The following FSTL4 variants were observed in gnomAD, a reference collection of about 807,000 sequenced individuals.
FSTL4 encodes the protein follistatin like 4, also known as follistatin-related protein 4.
Under a neutral mutation model 78.2 loss-of-function variants are expected in FSTL4, and 28 were observed. The ratio of observed to expected loss-of-function variants is 0.36; its 90% CI spans 0.27 to 0.49. FSTL4 has a LOEUF of 0.49. Among genes scored for constraint, FSTL4 ranks in the 20% least tolerant of loss-of-function variants. The pLI is 0.98. For synonymous variants in FSTL4, 422 were observed against 440.5 expected (o/e 0.96, Z 0.53); for missense variants, 922 against 1,084.9 (o/e 0.85, Z 2.11).
rs991787608 is a variant in FSTL4 at position 133,316,319 on chromosome 5, T to G, written c.603+140A>C. On this transcript the variant is annotated intron_variant, in intron 5 of 15. Transcript: ENST00000265342. ...GTAAATAGAGGCTAAAGGTGGCTGG[T>G]GGGAAGAACCTGACCTCATTTTGTT... 3.0e-5 allele frequency: 19 copies of G among 625,870 alleles called. No individual in the cohort carries two copies. The African/African-American group carries it at 3.3e-4, about 11-fold the overall frequency. The allele number at this position is 625,870 out of a possible 1,614,324, so 38.8% of individuals were successfully genotyped here. A position where few individuals can be genotyped will look rare whatever the true frequency, so the allele number is the denominator to read the frequency against.
intron 6 of FSTL4, among the ~76,000 whole-genome samples, chr5:133,299,069 T>G (rs552399020): frequency 6.6e-6 from 1 of 152,332 alleles, no homozygotes; most frequent in South Asian, 2.1e-4. Flanking sequence ...CAGTCTAGTC[T>G]AACACAGACT....
chr5:133,337,874 G>A lies in FSTL4; in HGVS notation c.410-21222C>T, dbSNP rs116466977. On this transcript the variant is annotated intron_variant, in intron 4 of 15. Transcript: ENST00000265342. Reference sequence around the variant, plus strand: ...GTGGAGTTGATTTGACTTTTAAGGCGCTAGGTAGTGAGCATTTTGGAGGAT... The same window carrying A: ...GTGGAGTTGATTTGACTTTTAAGGCACTAGGTAGTGAGCATTTTGGAGGAT... Among the ~76,000 whole-genome samples, 604 of 152,292 alleles carry A rather than the reference G, an allele frequency of 4.0e-3. 6 individuals carry two copies. The highest frequency in any genetic ancestry group is 0.014 in the African/African-American group (571 of 41,522).
At chr5:133,567,677 C>A (rs1194313483) in intron 2 of FSTL4, among the ~76,000 whole-genome samples, 4 of 152,256 alleles carry the variant, frequency 2.6e-5, no homozygotes, top group Non-Finnish European at 5.9e-5. Context: ...GGATATGTCA[C>A]TGACATCACC....
chr5:133,326,461 C>G (rs1754215154), intron 4 of FSTL4, among the ~76,000 whole-genome samples: 1 of 152,216 alleles, frequency 6.6e-6, no homozygotes, highest in African/African-American at 2.4e-5. Context: ...GAGTGGGTCA[C>G]TATCCCCTTC....
intron 3 of FSTL4, among the ~76,000 whole-genome samples, chr5:133,564,845 T>C (rs1045112936): frequency 1.3e-5 from 2 of 152,184 alleles, no homozygotes; most frequent in African/African-American, 4.8e-5. Context: ...CTGTCGCTAG[T>C]TCCCACTATG....
the FSTL4 span, among the ~76,000 whole-genome samples, chr5:133,838,821 C>A: frequency 1.3e-5 from 2 of 152,192 alleles, no homozygotes; most frequent in African/African-American, 4.8e-5. Context: ...TTACAAAGGC[C>A]TATCTGTGTT....
chr5:133,422,942 C>T (rs796131280), intron 3 of FSTL4, among the ~76,000 whole-genome samples: 179 of 152,328 alleles, frequency 1.2e-3, no homozygotes, highest in Non-Finnish European at 8.4e-4. Context: ...CACCCAAGCC[C>T]CTCTGGGCTG....
At chr5:133,823,136 T>C in the FSTL4 span, among the ~76,000 whole-genome samples, 1 of 152,184 alleles carries the variant, frequency 6.6e-6, no homozygotes, top group Non-Finnish European at 1.5e-5. Flanking sequence ...CAAGAACTTC[T>C]GGATGGGCAA....
In FSTL4 at chr5:133,326,471, C is replaced by G. The variant is rs953566275; in HGVS notation, c.410-9819G>C. Among the ~76,000 whole-genome samples the G allele has an allele frequency of 2.6e-5, 4 of 152,352 alleles. No individual in the cohort carries two copies. The East Asian group carries it at 5.8e-4, about 22-fold the overall frequency. ...TAAGTGAGTGGGTCACTATCCCCTT[C>G]TCTCAGCACCCTGTGGCGGTGTTTA... is the stretch of plus-strand genomic sequence containing the variant. On this transcript the variant is annotated intron_variant, in intron 4 of 15. Coordinates refer to ENST00000265342, the MANE Select transcript of FSTL4 (RefSeq NM_015082.2).
chr5:133,259,672 A>G (rs1284459361), intron 6 of FSTL4, among the ~76,000 whole-genome samples: 1 of 152,038 alleles, frequency 6.6e-6, no homozygotes, highest in Non-Finnish European at 1.5e-5. Flanking sequence ...TGTGCAAATA[A>G]CGGACTGGTG....
chr5:133,615,284 G>T (rs184032391), upstream of FSTL4, among the ~76,000 whole-genome samples: 20 of 152,344 alleles, frequency 1.3e-4, no homozygotes, highest in East Asian at 3.5e-3. Context: ...TCCTTGTCTT[G>T]CATAATTTAA....
the FSTL4 span, among the ~76,000 whole-genome samples, chr5:133,653,944 C>T: frequency 6.6e-6 from 1 of 152,228 alleles, no homozygotes; most frequent in Non-Finnish European, 1.5e-5. Flanking sequence ...TTTCTTTATT[C>T]CTTCATTCCT....
chr5:133,553,720 C>T (rs1488689856), intron 3 of FSTL4, among the ~76,000 whole-genome samples: 1 of 152,154 alleles, frequency 6.6e-6, no homozygotes, highest in African/African-American at 2.4e-5. Context: ...TCTCCGATCC[C>T]CTAAGGCAGG....
At chr5:133,598,371 C>G (rs1580813034) in intron 2 of FSTL4, among the ~76,000 whole-genome samples, 1 of 136,000 alleles carries the variant, frequency 7.4e-6, no homozygotes, top group African/African-American at 3.0e-5. Context: ...AGATCCCAGA[C>G]CGTTCACAAG....
At chr5:133,672,486 A>C in the FSTL4 span, among the ~76,000 whole-genome samples, 1 of 152,244 alleles carries the variant, frequency 6.6e-6, no homozygotes, top group Non-Finnish European at 1.5e-5. Context: ...CCTCATATCT[A>C]TCTGGTTCCA....
At chr5:133,673,907 TTC>T in the FSTL4 span, among the ~76,000 whole-genome samples, 1 of 152,220 alleles carries the variant, frequency 6.6e-6, no homozygotes, top group Non-Finnish European at 1.5e-5. Context: ...CAGAATTAAC[TTC>T]TCTGTTTTTG....
intron 3 of FSTL4, among the ~76,000 whole-genome samples, chr5:133,444,055 A>C (rs1216832738): frequency 6.6e-6 from 1 of 152,134 alleles, no homozygotes; most frequent in East Asian, 1.9e-4. Flanking sequence ...TTGCTCACCC[A>C]CCATGGCACA....
intron 4 of FSTL4, among the ~76,000 whole-genome samples, chr5:133,381,336 A>G (rs543726138): frequency 5.2e-4 from 79 of 152,364 alleles, no homozygotes; most frequent in African/African-American, 1.8e-3. Flanking sequence ...ACAAGGTATG[A>G]CTATACCCCA....
chr5:133,209,875 A>G, intron 14 of FSTL4: 1 of 253,206 alleles, frequency 3.9e-6, no homozygotes, highest in Non-Finnish European at 7.6e-6. Flanking sequence ...TCCCTTCTGG[A>G]CCCCAGAGCC....
Sources: allele counts gnomAD v4.1 joint callset (sites outside exome capture counted in the v4.1 genomes callset), GRCh38; gene constraint gnomAD v4.1.1; transcripts MANE v1.5; gene names NCBI Gene and HGNC (gene_info 2026-07-23, HGNC 2026-07-21).